Variants in COL25A1 observed in about 807,000 individuals in gnomAD.
COL25A1 encodes collagen alpha-1(XXV) chain.
In COL25A1, 103 loss-of-function variants were observed where a neutral mutation model predicts 128.4. That is an observed-to-expected ratio of 0.80 (90% confidence interval 0.68 to 0.94). The LOEUF (loss-of-function observed/expected upper bound fraction) is 0.94, where lower values mean the gene tolerates loss of function less well. Among genes scored for constraint, COL25A1 ranks in the 40% least tolerant of loss-of-function variants. The probability of loss-of-function intolerance (pLI) is 0.00; values close to 1 mark genes in which losing one functional copy is unlikely to be tolerated. For missense variants in COL25A1, 745 were observed against 840.0 expected (o/e 0.89, Z 1.40); for synonymous variants, 279 against 277.2 (o/e 1.01, Z -0.06).
At chr4:109,191,299 G>A (rs993754530) in intron 3 of COL25A1, among the ~76,000 whole-genome samples, 1 of 152,196 alleles carries the variant, frequency 6.6e-6, no homozygotes. Context: ...GAAGGACAAT[G>A]CACAAGAGAG....
intron 3 of COL25A1, among the ~76,000 whole-genome samples, chr4:109,090,205 T>C (rs181638720): frequency 6.6e-6 from 1 of 152,180 alleles, no homozygotes; most frequent in South Asian, 2.1e-4. Flanking sequence ...AGTAGTACAT[T>C]TGACCTATAA....
intron 6 of COL25A1, among the ~76,000 whole-genome samples, chr4:109,004,813 G>A (rs1755810399): frequency 6.6e-6 from 1 of 152,126 alleles, no homozygotes; most frequent in Admixed American, 6.6e-5. Context: ...AGTACCGTGA[G>A]CCAGTTATAT....
chr4:109,297,391 A>G (rs1178645388), intron 3 of COL25A1, among the ~76,000 whole-genome samples: 1 of 152,148 alleles, frequency 6.6e-6, no homozygotes, highest in Non-Finnish European at 1.5e-5. Context: ...TTAAAACTGT[A>G]AAGATATTTT....
At chr4:109,190,260 G>A (rs960566656) in intron 3 of COL25A1, among the ~76,000 whole-genome samples, 1 of 152,012 alleles carries the variant, frequency 6.6e-6, no homozygotes, top group Non-Finnish European at 1.5e-5. Flanking sequence ...TTCCTAGACT[G>A]AAAAAAATCA....
At chr4:108,934,492 A>G (rs1185780442) in intron 11 of COL25A1, among the ~76,000 whole-genome samples, 1 of 152,180 alleles carries the variant, frequency 6.6e-6, no homozygotes, top group Non-Finnish European at 1.5e-5. Flanking sequence ...AGTAAAAATA[A>G]TAATAAAAGA....
At chr4:108,823,352 T>C (rs1337591472) in intron 35 of COL25A1, among the ~76,000 whole-genome samples, 3 of 150,018 alleles carry the variant, frequency 2.0e-5, no homozygotes, top group Non-Finnish European at 4.4e-5. Flanking sequence ...CCAAGCAAAA[T>C]ACTGAGAAAG....
intron 3 of COL25A1, among the ~76,000 whole-genome samples, chr4:109,244,140 A>C (rs560210683): frequency 9.9e-4 from 123 of 124,710 alleles, no homozygotes; most frequent in Middle Eastern, 3.8e-3. Flanking sequence ...AATAGAAAGA[A>C]AGAAAAAAAA....
At chr4:109,252,998 G>T (rs1479318010) in intron 3 of COL25A1, among the ~76,000 whole-genome samples, 1 of 152,098 alleles carries the variant, frequency 6.6e-6, no homozygotes, top group Non-Finnish European at 1.5e-5. Context: ...TAAGCTTTGG[G>T]GCTGCTTCTT....
chr4:108,893,446 C>A lies in COL25A1; in HGVS notation c.906+3221G>T, dbSNP rs114750452. 2.6e-3 allele frequency among the ~76,000 whole-genome samples: 394 copies of A among 152,220 alleles called. 4 individuals are homozygous for A. The highest frequency in any genetic ancestry group is 9.1e-3 in the African/African-American group (379 of 41,520). On this transcript the variant is annotated intron_variant, in intron 16 of 37. Transcript: ENST00000399132. ...AGTAACTCTACGCATGACTGAACTC[C>A]GTCTTTGGCAGGTTTACGCTCTTAA...
intron 3 of COL25A1, among the ~76,000 whole-genome samples, chr4:109,165,458 G>A (rs535166710): frequency 7.4e-4 from 113 of 152,322 alleles, no homozygotes; most frequent in African/African-American, 2.3e-3. Flanking sequence ...GCTCACGTCT[G>A]TAATCCCAGC....
intron 3 of COL25A1, among the ~76,000 whole-genome samples, chr4:109,241,626 CA>C (rs34490958): frequency 1.5e-3 from 204 of 133,888 alleles, no homozygotes; most frequent in Non-Finnish European, 1.8e-3. Flanking sequence ...TCTGTCTAGC[CA>C]AAAAAAAAAA....
At chr4:109,090,548 A>G (rs1764803807) in intron 3 of COL25A1, among the ~76,000 whole-genome samples, 1 of 152,218 alleles carries the variant, frequency 6.6e-6, no homozygotes. Flanking sequence ...AGAACTAAAC[A>G]TACTGCTTGC....
At chr4:109,247,062 G>A (rs1258568723) in intron 3 of COL25A1, among the ~76,000 whole-genome samples, 1 of 152,204 alleles carries the variant, frequency 6.6e-6, no homozygotes, top group Admixed American at 6.5e-5. Context: ...GAAAAAGGAA[G>A]TAAAGAAAGA....
rs1158184110 is a variant in COL25A1, at chr4:108,835,861, C to CTTTTTTTTTTTTTTTTTTT, written c.1657-3447_1657-3429dup. Reference sequence around the variant, plus strand: ...GCCACAGTGCCCGGCTTACATACGTCTTTTTTTTTTTTTTTTTTTTTTTTT... The same window carrying CTTTTTTTTTTTTTTTTTTT: ...GCCACAGTGCCCGGCTTACATACGTCTTTTTTTTTTTTTTTTTTTTTTTTTTTTTTTTTTTTTTTTTTTT... On this transcript the variant is annotated intron_variant, in intron 31 of 37. Coordinates refer to ENST00000399132, the MANE Select transcript of COL25A1 (RefSeq NM_198721.4). Among the ~76,000 whole-genome samples the CTTTTTTTTTTTTTTTTTTT allele has an allele frequency of 9.2e-4, 42 of 45,718 alleles. 1 individual carries two copies. The highest frequency in any genetic ancestry group is 1.3e-3 in the South Asian group (1 of 758). 30.0% of individuals were successfully genotyped at this position (45,718 alleles called of 152,430 possible).
intron 3 of COL25A1, among the ~76,000 whole-genome samples, chr4:109,280,440 A>G (rs1723268247): frequency 6.6e-6 from 1 of 152,216 alleles, no homozygotes; most frequent in African/African-American, 2.4e-5. Flanking sequence ...AAACAAATAA[A>G]TTGAGAACAT....
Position 109,007,494 on chromosome 4 carries a change from T to G in COL25A1, c.438+2864A>C, listed in dbSNP as rs184442798. Among the ~76,000 whole-genome samples, 113 of 152,308 alleles carry G rather than the reference T, an allele frequency of 7.4e-4. 1 individual carries two copies. The highest frequency in any genetic ancestry group is 4.6e-3 in the Admixed American group (71 of 15,300). On this transcript the variant is annotated intron_variant, in intron 6 of 37. Coordinates refer to ENST00000399132, the MANE Select transcript of COL25A1 (RefSeq NM_198721.4). ...ACAACTCTTCGCTCCTTTTTTGTGC[T>G]GTAGAAAGATCACGTGAGGGTATGT...
chr4:109,300,418 G>T (rs1036035270), intron 3 of COL25A1, among the ~76,000 whole-genome samples, 165 bp downstream of exon 3: 2 of 151,934 alleles, frequency 1.3e-5, no homozygotes, highest in African/African-American at 4.8e-5. Context: ...TAATATTTGG[G>T]GCTTTATTTG....
At chr4:109,254,505 A>ATATATATATATATATATGTGTG (rs1383703429) in intron 3 of COL25A1, among the ~76,000 whole-genome samples, 7 of 105,008 alleles carry the variant, frequency 6.7e-5, no homozygotes, top group South Asian at 2.8e-4. Flanking sequence ...ATATATATAT[A>ATATATATATATATATATGTGTG]TGTATGTGTG....
At chr4:108,933,919 C>T (rs2125918172) in intron 11 of COL25A1, among the ~76,000 whole-genome samples, 1 of 151,998 alleles carries the variant, frequency 6.6e-6, no homozygotes, top group African/African-American at 2.4e-5. Context: ...GAAAAATTTC[C>T]TCCTCACGAT....
Sources: allele counts gnomAD v4.1 joint callset (sites outside exome capture counted in the v4.1 genomes callset), GRCh38; gene constraint gnomAD v4.1.1; transcripts MANE v1.5; gene names NCBI Gene and HGNC (gene_info 2026-07-23, HGNC 2026-07-21).